The following GPR137B variants were observed in gnomAD, a reference collection of about 807,000 sequenced individuals.
GPR137B encodes integral membrane protein GPR137B.
A neutral mutation model predicts 42.5 loss-of-function variants in GPR137B; 42 were observed. That is an observed-to-expected ratio of 0.99 (90% CI 0.77 to 1.28). The LOEUF (loss-of-function observed/expected upper bound fraction) is 1.28, where lower values mean the gene tolerates loss of function less well. GPR137B is among the 50% of genes most tolerant of loss of function. GPR137B has a pLI of 0.00. For synonymous variants in GPR137B, 218 were observed against 209.7 expected, an observed-to-expected ratio of 1.04 and a Z score of -0.34; for missense variants, 487 against 493.9, an observed-to-expected ratio of 0.99 and a Z score of 0.13.
intron 1 of GPR137B, among the ~76,000 whole-genome samples, chr1:236,165,239 G>A (rs1382799442): frequency 6.6e-6 from 1 of 152,228 alleles, no homozygotes; most frequent in East Asian, 1.9e-4. Flanking sequence ...ATTATAAGAA[G>A]TGGATAGAGC....
At chr1:236,182,440 G>T (rs567244087) in intron 4 of GPR137B, among the ~76,000 whole-genome samples, 50 of 152,052 alleles carry the variant, frequency 3.3e-4, no homozygotes, top group African/African-American at 1.1e-3. Flanking sequence ...TCCTAATCTT[G>T]CTTTCACTTA....
chr1:236,166,341 T>C (rs1165185559), intron 1 of GPR137B, among the ~76,000 whole-genome samples: 1 of 151,760 alleles, frequency 6.6e-6, no homozygotes, highest in Non-Finnish European at 1.5e-5. Context: ...AGGTGACGTG[T>C]CTTGCCTAAA....
In GPR137B at chr1:236,155,004, A is replaced by G. The variant is rs559828787; in HGVS notation, c.414+11968A>G. Among the ~76,000 whole-genome samples, 20 of 152,340 alleles carry G rather than the reference A, an allele frequency of 1.3e-4. No homozygotes were observed. In the East Asian group the frequency reaches 1.5e-3, roughly 12 times the overall value. Reference sequence around the variant, plus strand: ...ATTTGTGGTTAAGCAGTTAAGAAACATAACAGTGATGGTAGGGCCTTGTGT... The same window carrying G: ...ATTTGTGGTTAAGCAGTTAAGAAACGTAACAGTGATGGTAGGGCCTTGTGT... On this transcript the variant is annotated intron_variant, in intron 1 of 6. Coordinates refer to ENST00000366592, the MANE Select transcript of GPR137B (RefSeq NM_003272.4). The surrounding 1 kb of genome is among the most constrained non-coding windows in gnomAD (Gnocchi z 4.6).
At position 236,142,617 on chromosome 1, in the gene GPR137B, G is replaced by T; in HGVS notation, c.-6G>T. ...CCCGCGGGGGCGGCGGCGGCCGTGA[G>T]CCCCGATGAGGCCCGAGCGTCCCCG... On this transcript the variant is annotated 5_prime_UTR_variant, in exon 1 of 7. Transcript: ENST00000366592. 7.3e-7 allele frequency: 1 copy of T among 1,374,488 alleles called. No homozygotes were observed. The allele number at this position is 1,374,488 out of a possible 1,614,324, so 85.1% of individuals were successfully genotyped here.
rs573825447 is a variant in GPR137B at position 236,187,790 on chromosome 1, T to C, written c.966+3884T>C. Among the ~76,000 whole-genome samples the C allele has an allele frequency of 1.6e-4, 25 of 152,172 alleles. No individual in the cohort carries two copies. In the South Asian group the frequency reaches 5.2e-3, roughly 32 times the overall value. On this transcript the variant is annotated intron_variant, in intron 5 of 6. Coordinates refer to ENST00000366592, the MANE Select transcript of GPR137B (RefSeq NM_003272.4). The stretch of plus-strand genomic sequence containing the variant: ...ATGCCTCCAGCTTTGTTCTTTTTGC[T>C]TAGGATTGTCTCGGCTATGTGGGCC...
chr1:236,208,670 C>T lies in GPR137B; in HGVS notation c.*512C>T, dbSNP rs1417567032. The T allele has an allele frequency of 3.0e-6, 3 of 985,208 alleles. No individual in the cohort carries two copies. The highest frequency in any genetic ancestry group is 3.5e-5 in the African/African-American group (2 of 57,180). The allele number at this position is 985,208 out of a possible 1,614,324, so 61.0% of individuals were successfully genotyped here. On this transcript the variant is annotated 3_prime_UTR_variant, in exon 7 of 7. Transcript: ENST00000366592. ...TCCTAAAATACAGTTGACAACTTAG[C>T]CAATTGCAACTCCAGTGTTGATAAT...
chr1:236,207,214 TAA>T, intron 6 of GPR137B: 3 of 985,218 alleles, frequency 3.0e-6, no homozygotes, highest in Non-Finnish European at 3.6e-6. Context: ...TCAGATAGGA[TAA>T]AAGATTGTCG....
chr1:236,204,513 G>T (rs1232929629), intron 5 of GPR137B, among the ~76,000 whole-genome samples: 1 of 152,110 alleles, frequency 6.6e-6, no homozygotes, highest in Non-Finnish European at 1.5e-5. Flanking sequence ...CTGCAGTGAA[G>T]CCATTGGGTC....
intron 1 of GPR137B, among the ~76,000 whole-genome samples, chr1:236,162,565 TG>T (rs1183948941): frequency 1.3e-5 from 2 of 152,214 alleles, no homozygotes; most frequent in Non-Finnish European, 2.9e-5. Context: ...TTTTGTGGGC[TG>T]GGCCCAGGGT....
chr1:236,144,124 AAAAG>A (rs1238214467), intron 1 of GPR137B, among the ~76,000 whole-genome samples: 2 of 152,142 alleles, frequency 1.3e-5, no homozygotes, highest in South Asian at 2.1e-4. Context: ...CTTATTTAAA[AAAAG>A]AAAGAGGCCG....
intron 1 of GPR137B, 38 bp downstream of exon 1, chr1:236,143,074 C>T (rs768231835): frequency 9.7e-6 from 15 of 1,551,748 alleles, no homozygotes; most frequent in Non-Finnish European, 1.2e-5. Flanking sequence ...GCTCACCTGG[C>T]GGGGTGGTCC....
chr1:236,152,617 C>T (rs941870309), intron 1 of GPR137B, among the ~76,000 whole-genome samples: 5 of 150,810 alleles, frequency 3.3e-5, no homozygotes, highest in African/African-American at 7.3e-5. Flanking sequence ...ATTAGCTAGG[C>T]GTGGTGGGCG....
chr1:236,193,016 T>G (rs1314861087), intron 5 of GPR137B, among the ~76,000 whole-genome samples: 1 of 152,052 alleles, frequency 6.6e-6, no homozygotes. Flanking sequence ...TGCCTCAGAC[T>G]CCCAAATAGC....
chr1:236,208,220 A>AG lies in GPR137B; in HGVS notation c.*63dup. 6.4e-7 allele frequency: 1 copy of AG among 1,572,828 alleles called. No homozygotes were observed. Among genetic ancestry groups the AG allele is most frequent in the Non-Finnish European group, 8.6e-7 (1 of 1,162,028 alleles). On this transcript the variant is annotated 3_prime_UTR_variant, in exon 7 of 7. Transcript: ENST00000366592. ...AAAAGCTTCAGAAAAGCATAGTGAC[A>AG]GCTGAATTTTTAGGGCACTTTTCCT...
At chr1:236,164,308 G>T (rs1008023180) in intron 1 of GPR137B, among the ~76,000 whole-genome samples, 1 of 152,150 alleles carries the variant, frequency 6.6e-6, no homozygotes, top group African/African-American at 2.4e-5. Flanking sequence ...TTGTTCCTTA[G>T]CCTCTCATAG....
chr1:236,183,711 G>C (rs1662945137), intron 4 of GPR137B, 67 bp from the exon 5 acceptor site: 1 of 1,199,040 alleles, frequency 8.3e-7, no homozygotes, highest in African/African-American at 1.5e-5. Context: ...GTTCACATTA[G>C]AAAGAAACAA....
Position 236,195,762 on chromosome 1 carries a change from C to T in GPR137B, c.967-9364C>T, listed in dbSNP as rs538823116. On this transcript the variant is annotated intron_variant, in intron 5 of 6. Coordinates refer to ENST00000366592, the MANE Select transcript of GPR137B (RefSeq NM_003272.4). ...TCCCTTTTCTCCACATCCTTGCCAG[C>T]GTTTGTTACTGCCTTTTAGATATAA... is the stretch of plus-strand genomic sequence containing the variant. Among the ~76,000 whole-genome samples, 7 of 152,244 alleles carry T rather than the reference C, an allele frequency of 4.6e-5. No homozygotes were observed. The South Asian group carries it at 1.2e-3, about 27-fold the overall frequency.
Position 236,205,125 on chromosome 1 carries a change from G to A in GPR137B, c.967-1G>A, listed in dbSNP as rs1331175151. On this transcript the variant is annotated splice_acceptor_variant, in intron 5 of 6. Coordinates refer to ENST00000366592, the MANE Select transcript of GPR137B (RefSeq NM_003272.4). LOFTEE classifies it high-confidence loss of function. ...TGCTGAATGATTACCTGTCTTTCTA[G>A]ACCAACCCTGGAATGGTCCCCAGCC... The A allele has an allele frequency of 1.2e-6, 2 of 1,612,066 alleles. No individual in the cohort carries two copies. The highest frequency in any genetic ancestry group is 1.7e-6 in the Non-Finnish European group (2 of 1,178,440).
rs192156703 is a variant in GPR137B, at chr1:236,155,940, C to T, written c.415-12766C>T. Among the ~76,000 whole-genome samples the T allele has an allele frequency of 3.9e-4, 59 of 152,354 alleles. 1 individual carries two copies. The East Asian group carries it at 0.011, about 29-fold the overall frequency. ...GCCTTGTGGGGTGCACATGCACAAA[C>T]ATGCACACACATACACAAACGCACA... On this transcript the variant is annotated intron_variant, in intron 1 of 6. Coordinates refer to ENST00000366592, the MANE Select transcript of GPR137B (RefSeq NM_003272.4). This position sits in a 1 kb window ranked among gnomAD's most constrained non-coding sequence, Gnocchi z 4.6.
Sources: allele counts gnomAD v4.1 joint callset (sites outside exome capture counted in the v4.1 genomes callset), GRCh38; gene constraint gnomAD v4.1.1; non-coding constraint Gnocchi (gnomAD v3.1); transcripts MANE v1.5; gene names NCBI Gene and HGNC (gene_info 2026-07-23, HGNC 2026-07-21).